RAB3GAP2: variants seen among roughly 807,000 people sequenced by gnomAD.
RAB3GAP2 encodes rab3 GTPase-activating protein non-catalytic subunit.
RAB3GAP2 carries 87 observed loss-of-function variants against 185.3 expected under a neutral mutation model. The observed-to-expected ratio is 0.47, with a 90% CI of 0.39 to 0.56. The LOEUF is 0.56. Ranked by LOEUF, RAB3GAP2 falls within the 20% of genes least tolerant of loss-of-function variation. The pLI is 0.00. For missense variants in RAB3GAP2, 1,492 were observed against 1,638.2 expected (o/e 0.91, Z 1.54); for synonymous variants, 554 against 576.1 (o/e 0.96, Z 0.55).
At chr1:220,237,348 G>C (rs941210831) in intron 1 of RAB3GAP2, among the ~76,000 whole-genome samples, 5 of 152,142 alleles carry the variant, frequency 3.3e-5, no homozygotes, top group Non-Finnish European at 7.4e-5. Flanking sequence ...TCTCCAAAAA[G>C]CAATTCTGTA....
At chr1:220,253,574 C>T (rs933439418) in intron 1 of RAB3GAP2, 39 of 1,582,690 alleles carry the variant, frequency 2.5e-5, no homozygotes, top group African/African-American at 2.0e-4. Flanking sequence ...TTATAAATGG[C>T]GCGGAAGCAG....
In RAB3GAP2 at chr1:220,210,500, G is replaced by A; in HGVS notation, c.511-11C>T. 1 of 1,595,586 alleles carries A rather than the reference G, an allele frequency of 6.3e-7. No individual in the cohort carries two copies. The highest frequency in any genetic ancestry group is 8.6e-7 in the Non-Finnish European group (1 of 1,163,044). On this transcript the variant is annotated splice_polypyrimidine_tract_variant and intron_variant, in intron 6 of 34. Transcript: ENST00000358951. ...CAAGAGCACACCATTCTAGGAGGAA[G>A]CACAGAGAAGGGCCCTGCTTGTTTT...
intron 1 of RAB3GAP2, 111 bp downstream of exon 1, chr1:220,272,112 G>A (rs1159244295): frequency 2.2e-6 from 2 of 911,004 alleles, no homozygotes; most frequent in East Asian, 5.2e-5. Context: ...GGGGAGAACT[G>A]GGGGTCCAGA....
chr1:220,205,943 GA>G lies in RAB3GAP2; in HGVS notation c.675del (p.Gln226AsnfsTer10). The G allele has an allele frequency of 6.2e-7, 1 of 1,610,878 alleles. No individual in the cohort carries two copies. Among genetic ancestry groups the G allele is most frequent in the Non-Finnish European group, 8.5e-7 (1 of 1,177,588 alleles). Reference sequence around the variant, plus strand: ...TGATTTCGACAAGCACGAAGAGATTGAAAAAGGCTAAATCCATCAATAGTCA... The same window carrying G: ...TGATTTCGACAAGCACGAAGAGATTGAAAAGGCTAAATCCATCAATAGTCA... ...AIVTIDGFSLFQSLRACRNQV... is the reference protein window; with the variant it reads ...AIVTIDGFSLXQSLRACRNQV... On this transcript the variant is annotated frameshift_variant, in exon 8 of 35. Transcript: ENST00000358951. LOFTEE classifies it high-confidence loss of function.
At chr1:220,216,332 C>A (rs1418003715) in intron 2 of RAB3GAP2, among the ~76,000 whole-genome samples, 1 of 152,102 alleles carries the variant, frequency 6.6e-6, no homozygotes, top group Admixed American at 6.6e-5. Flanking sequence ...TGTTTTTCTA[C>A]AGATAAATTA....
intron 11 of RAB3GAP2, 52 bp from the exon 12 acceptor site, chr1:220,195,219 G>C (rs763001793): frequency 1.2e-6 from 2 of 1,604,688 alleles, no homozygotes; most frequent in African/African-American, 2.7e-5. Flanking sequence ...GGGTTTTAAA[G>C]TGCAAACTAT....
chr1:220,157,514 G>A, intron 30 of RAB3GAP2, 26 bp from the exon 31 acceptor site: 1 of 1,602,412 alleles, frequency 6.2e-7, no homozygotes, highest in Non-Finnish European at 8.5e-7. Context: ...ATGGAGGACT[G>A]TGTTCAGTAA....
intron 1 of RAB3GAP2, among the ~76,000 whole-genome samples, chr1:220,250,048 T>C (rs1659901553): frequency 6.6e-6 from 1 of 152,056 alleles, no homozygotes; most frequent in Non-Finnish European, 1.5e-5. Flanking sequence ...TAGGGCACTG[T>C]GGAGCTGTGA....
intron 1 of RAB3GAP2, among the ~76,000 whole-genome samples, chr1:220,260,250 A>T (rs1301509653): frequency 1.3e-5 from 2 of 152,222 alleles, no homozygotes; most frequent in African/African-American, 4.8e-5. Flanking sequence ...TATATACCCA[A>T]AGGAATATAA....
chr1:220,197,132 C>T lies in RAB3GAP2; in HGVS notation c.812-734G>A, dbSNP rs150440487. Among the ~76,000 whole-genome samples the T allele has an allele frequency of 1.6e-3, 248 of 151,882 alleles. 3 individuals carry two copies. Among genetic ancestry groups the T allele is most frequent in the African/African-American group, 5.7e-3 (236 of 41,480 alleles). On this transcript the variant is annotated intron_variant, in intron 9 of 34. Transcript: ENST00000358951. Reference sequence around the variant, plus strand: ...CTCCCCGAATGGCTGGGATTACAGACGCGCACCACCATGCCCAGCTAATTT... The same window carrying T: ...CTCCCCGAATGGCTGGGATTACAGATGCGCACCACCATGCCCAGCTAATTT...
chr1:220,181,466 T>C (rs777273462), intron 21 of RAB3GAP2, among the ~76,000 whole-genome samples: 7 of 152,166 alleles, frequency 4.6e-5, no homozygotes, highest in Non-Finnish European at 8.8e-5. Context: ...TTCCTTGTTT[T>C]TTTCAGAAAG....
chr1:220,258,306 T>A (rs989492076), intron 1 of RAB3GAP2, among the ~76,000 whole-genome samples: 2 of 152,124 alleles, frequency 1.3e-5, no homozygotes, highest in Non-Finnish European at 2.9e-5. Flanking sequence ...AGGCCAATAT[T>A]CCTGATGAAC....
At chr1:220,253,783 A>G in intron 1 of RAB3GAP2, 1 of 1,611,966 alleles carries the variant, frequency 6.2e-7, no homozygotes, top group Non-Finnish European at 8.5e-7. Context: ...CAATTTGCAG[A>G]AACAGCGAGA....
At position 220,158,011 on chromosome 1, in the gene RAB3GAP2, G is replaced by A. The variant is rs1350356701; in HGVS notation, c.3262-135C>T. On this transcript the variant is annotated intron_variant, in intron 29 of 34. Coordinates refer to ENST00000358951, the MANE Select transcript of RAB3GAP2 (RefSeq NM_012414.4). This position sits in a 1 kb window ranked among gnomAD's most constrained non-coding sequence, Gnocchi z 4.3. ...TGAATAGACAGGCAAGAATTTGAAA[G>A]TCAAGGCATTAGCATATTTAAGTTC... The A allele has an allele frequency of 1.4e-6, 1 of 727,076 alleles. No individual in the cohort carries two copies. Among genetic ancestry groups the A allele is most frequent in the African/African-American group, 1.7e-5 (1 of 57,182 alleles). 45.0% of individuals were successfully genotyped at this position (727,076 alleles called of 1,614,324 possible). A position where few individuals can be genotyped will look rare whatever the true frequency, so the allele number is the denominator to read the frequency against.
chr1:220,224,926 T>C (rs1659375512), intron 2 of RAB3GAP2, among the ~76,000 whole-genome samples: 1 of 152,134 alleles, frequency 6.6e-6, no homozygotes, highest in East Asian at 1.9e-4. Flanking sequence ...GGAGGCTTGG[T>C]TGCAAGTGTG....
intron 2 of RAB3GAP2, among the ~76,000 whole-genome samples, chr1:220,231,053 C>A (rs1659492058): frequency 6.6e-6 from 1 of 152,212 alleles, no homozygotes; most frequent in South Asian, 2.1e-4. Context: ...CCTACTTCAA[C>A]CTATTCCATA....
At chr1:220,198,212 A>G (rs755640879) in intron 9 of RAB3GAP2, among the ~76,000 whole-genome samples, 20 of 152,184 alleles carry the variant, frequency 1.3e-4, no homozygotes, top group Non-Finnish European at 2.4e-4. Context: ...TGGTTGACCT[A>G]AACTTTCTGC....
At position 220,253,765 on chromosome 1, in the gene RAB3GAP2, G is replaced by T. The variant is rs183012520; in HGVS notation, c.115+18458C>A. The T allele has an allele frequency of 5.0e-4, 810 of 1,611,776 alleles. 1 individual carries two copies. The African/African-American group carries it at 0.01, about 20-fold the overall frequency. Reference sequence around the variant, plus strand: ...TCCGGAGAGCAGAGTACTCAAATACGTGGACACCAATTTGCAGAAACAGCG... The same window carrying T: ...TCCGGAGAGCAGAGTACTCAAATACTTGGACACCAATTTGCAGAAACAGCG... On this transcript the variant is annotated intron_variant, in intron 1 of 34. Transcript: ENST00000358951.
At position 220,232,852 on chromosome 1, in the gene RAB3GAP2, C is replaced by G; in HGVS notation, c.127G>C (p.Asp43His). The change falls in exon 2 of 35, where the codon GAC becomes CAC. Residue 43 changes from aspartate (D) to histidine (H), a missense_variant. Coordinates refer to ENST00000358951, the MANE Select transcript of RAB3GAP2 (RefSeq NM_012414.4). ...GCTCCCCAACCATCATCTTCCCAGT[C>G]TGTTGATTTACCTGTTTTTAAAAAG... ...ALRRDPSKST[D>H]WEDDGWGAWE... 6.2e-7 allele frequency: 1 copy of G among 1,613,786 alleles called. No individual in the cohort carries two copies. The highest frequency in any genetic ancestry group is 8.5e-7 in the Non-Finnish European group (1 of 1,179,778).
Sources: gnomAD v4.1 joint callset for allele counts (sites outside exome capture counted in the v4.1 genomes callset) on GRCh38, gnomAD v4.1.1 for gene constraint, Gnocchi (gnomAD v3.1) non-coding constraint, MANE v1.5 for transcripts, NCBI Gene and HGNC (gene_info 2026-07-23, HGNC 2026-07-21) for gene names.